EPHX2: variants seen among roughly 807,000 people sequenced by gnomAD.
EPHX2 encodes the protein bifunctional epoxide hydrolase 2.
Under a neutral mutation model 78.7 loss-of-function variants are expected in EPHX2, and 74 were observed. The ratio of observed to expected loss-of-function variants is 0.94; its 90% CI spans 0.78 to 1.14. The LOEUF is 1.14. Among genes scored for constraint, EPHX2 ranks in the 50% most tolerant of loss-of-function variants. The pLI, the probability that EPHX2 is intolerant of heterozygous loss-of-function variation, is 0.00. For missense variants in EPHX2, 715 were observed against 702.5 expected (o/e 1.02, Z -0.20); for synonymous variants, 251 against 255.2 (o/e 0.98, Z 0.16).
chr8:27,531,328 G>A (rs1815034733), intron 12 of EPHX2, among the ~76,000 whole-genome samples: 1 of 152,186 alleles, frequency 6.6e-6, no homozygotes, highest in East Asian at 1.9e-4. Context: ...GTGGCAGGCG[G>A]CCCCCAGTGC....
In EPHX2 at chr8:27,544,890, G is replaced by T; in HGVS notation, c.*368G>T. 1 of 244,458 alleles carries T rather than the reference G, an allele frequency of 4.1e-6. No individual in the cohort carries two copies. The highest frequency in any genetic ancestry group is 7.1e-5 in the South Asian group (1 of 14,130). 15.1% of individuals were successfully genotyped at this position (244,458 alleles called of 1,614,324 possible). A position where few individuals can be genotyped will look rare whatever the true frequency, so the allele number is the denominator to read the frequency against. On this transcript the variant is annotated 3_prime_UTR_variant, in exon 19 of 19. Coordinates refer to ENST00000521400, the MANE Select transcript of EPHX2 (RefSeq NM_001979.6). The stretch of plus-strand genomic sequence containing the variant: ...GAAGAATCTTAGCAGAGATTGGGAT[G>T]CCTTACTCAATAAAGCTAAGATGAC...
intron 12 of EPHX2, among the ~76,000 whole-genome samples, chr8:27,535,472 C>T (rs539313784): frequency 5.1e-4 from 77 of 152,236 alleles, no homozygotes; most frequent in African/African-American, 1.7e-3. Context: ...CTGCACCCGG[C>T]CAAGATTTTT....
chr8:27,516,340 A>G lies in EPHX2; in HGVS notation c.852A>G (p.Ala284=). Reference sequence around the variant, plus strand: ...TCTAGATCCCTGCTCTGGCCCAGGCAGGTTACCGGGTCCTAGCTATGGACA... The same window carrying G: ...TCTAGATCCCTGCTCTGGCCCAGGCGGGTTACCGGGTCCTAGCTATGGACA... The part of the protein sequence containing the change: ...WRYQIPALAQ[A]GYRVLAMDMK... The change falls in exon 8 of 19, where the codon GCA becomes GCG. Residue 284 remains alanine (A), a synonymous_variant. Coordinates refer to ENST00000521400, the MANE Select transcript of EPHX2 (RefSeq NM_001979.6). The G allele has an allele frequency of 6.2e-7, 1 of 1,614,046 alleles. No individual in the cohort carries two copies. Among genetic ancestry groups the G allele is most frequent in the Non-Finnish European group, 8.5e-7 (1 of 1,179,964 alleles).
intron 5 of EPHX2, among the ~76,000 whole-genome samples, chr8:27,509,761 C>T (rs1386390281): frequency 1.3e-5 from 2 of 152,204 alleles, no homozygotes; most frequent in Non-Finnish European, 2.9e-5. Flanking sequence ...ACAGAAAAAT[C>T]ACCCCTTCTT....
chr8:27,525,500 G>A (rs1814812769), intron 12 of EPHX2, 27 bp downstream of exon 12: 1 of 1,566,582 alleles, frequency 6.4e-7, no homozygotes, highest in East Asian at 2.2e-5. Context: ...GGGCAACAAT[G>A]GGAGCATTAG....
At chr8:27,499,521 G>T (rs938489254) in intron 1 of EPHX2, among the ~76,000 whole-genome samples, 1 of 152,184 alleles carries the variant, frequency 6.6e-6, no homozygotes, top group Non-Finnish European at 1.5e-5. Flanking sequence ...AAGCTCCCAG[G>T]ATGGGGATAT....
At chr8:27,546,043 C>A (rs1004726361), downstream of EPHX2, among the ~76,000 whole-genome samples, 2 of 151,496 alleles carry the variant, frequency 1.3e-5, no homozygotes, top group East Asian at 1.9e-4. Context: ...GGCTTTCTGG[C>A]TCCTAAGGCT....
intron 6 of EPHX2, 155 bp downstream of exon 6, chr8:27,512,065 T>C (rs1450229398): frequency 5.9e-6 from 3 of 506,752 alleles, no homozygotes; most frequent in Admixed American, 6.4e-5. Context: ...ACCACTGTGC[T>C]CCAGCCTGGG....
At chr8:27,541,350 GCCC>G in intron 15 of EPHX2, 120 bp from the exon 16 acceptor site, 1 of 998,626 alleles carries the variant, frequency 1.0e-6, no homozygotes, top group Non-Finnish European at 1.5e-6. Flanking sequence ...CTATTCTCTT[GCCC>G]CTGCAGGAGG....
intron 1 of EPHX2, among the ~76,000 whole-genome samples, chr8:27,499,260 G>A (rs552492711): frequency 9.9e-5 from 15 of 152,280 alleles, no homozygotes; most frequent in Non-Finnish European, 1.8e-4. Context: ...ATGCCACAAT[G>A]GGGATTAAAT....
intron 12 of EPHX2, among the ~76,000 whole-genome samples, chr8:27,530,237 A>G (rs1361510054): frequency 6.6e-6 from 1 of 152,130 alleles, no homozygotes; most frequent in Admixed American, 6.6e-5. Flanking sequence ...CCTTCAGGCC[A>G]TGGGGACAGC....
intron 1 of EPHX2, among the ~76,000 whole-genome samples, chr8:27,499,664 A>C (rs1813695521): frequency 6.6e-6 from 1 of 152,196 alleles, no homozygotes; most frequent in Admixed American, 6.5e-5. Context: ...ACACATAAAT[A>C]CATTTGTTCT....
intron 11 of EPHX2, among the ~76,000 whole-genome samples, chr8:27,524,088 A>G (rs1814743281): frequency 6.6e-6 from 1 of 152,072 alleles, no homozygotes; most frequent in Non-Finnish European, 1.5e-5. Context: ...ATGCACCAAC[A>G]CGCCCAGCTA....
chr8:27,525,069 T>TGC (rs1491455479), intron 11 of EPHX2, among the ~76,000 whole-genome samples: 5 of 13,396 alleles, frequency 3.7e-4, no homozygotes, highest in African/African-American at 7.6e-4. Flanking sequence ...GTATGTGTAC[T>TGC]GTGTGTGTGT....
intron 5 of EPHX2, among the ~76,000 whole-genome samples, chr8:27,511,029 A>T (rs1261077794): frequency 6.6e-6 from 1 of 152,152 alleles, no homozygotes; most frequent in Non-Finnish European, 1.5e-5. Context: ...CCATGTGAAG[A>T]CACTAGGAGA....
At chr8:27,501,376 T>TTCTTCC (rs1813781931) in intron 2 of EPHX2, among the ~76,000 whole-genome samples, 1 of 128,854 alleles carries the variant, frequency 7.8e-6, no homozygotes, top group South Asian at 2.5e-4. Flanking sequence ...CTTCTTCTTC[T>TTCTTCC]TCTTCTTCTT....
intron 5 of EPHX2, among the ~76,000 whole-genome samples, chr8:27,510,234 G>T (rs566823521): frequency 1.3e-5 from 2 of 152,186 alleles, no homozygotes; most frequent in South Asian, 4.1e-4. Context: ...GTTGGGTTAC[G>T]CCTTTAGGAC....
At chr8:27,496,906 T>C (rs1813594099) in intron 1 of EPHX2, among the ~76,000 whole-genome samples, 1 of 152,122 alleles carries the variant, frequency 6.6e-6, no homozygotes, top group Admixed American at 6.5e-5. Context: ...TTTATAGAGA[T>C]AATATCTCTA....
intron 16 of EPHX2, 27 bp downstream of exon 16, chr8:27,541,569 A>G (rs1033037807): frequency 6.2e-7 from 1 of 1,613,610 alleles, no homozygotes; most frequent in Non-Finnish European, 8.5e-7. Flanking sequence ...GTGTAGTCTC[A>G]TCCACACCCC....
Sources: allele counts gnomAD v4.1 joint callset (sites outside exome capture counted in the v4.1 genomes callset), GRCh38; gene constraint gnomAD v4.1.1; transcripts MANE v1.5; gene names NCBI Gene and HGNC (gene_info 2026-07-23, HGNC 2026-07-21).